The following DHRS2 variants were observed in gnomAD, a reference collection of about 807,000 sequenced individuals.
DHRS2 encodes the protein dehydrogenase/reductase SDR family member 2, mitochondrial.
A neutral mutation model predicts 26.3 loss-of-function variants in DHRS2; 29 were observed. That is an observed-to-expected ratio of 1.10 (90% confidence interval 0.82 to 1.50). The LOEUF (loss-of-function observed/expected upper bound fraction) is 1.50. DHRS2 is among the 40% of genes most tolerant of loss of function. The pLI is 0.00. For missense variants in DHRS2, 439 were observed against 367.1 expected (o/e 1.20, Z -1.60); for synonymous variants, 164 against 151.3 (o/e 1.08, Z -0.62).
intron 4 of DHRS2, chr14:23,642,888 T>A (rs1277141756): frequency 2.8e-6 from 1 of 355,302 alleles, no homozygotes; most frequent in East Asian, 5.9e-5. Flanking sequence ...TTAAAAGGCC[T>A]GAACATTTCC....
chr14:23,639,211 G>A lies in DHRS2; in HGVS notation c.173G>A (p.Arg58Gln), dbSNP rs779338474. The A allele has an allele frequency of 5.7e-5, 92 of 1,613,750 alleles. 3 individuals are homozygous for A. The South Asian group carries it at 7.1e-4, about 13-fold the overall frequency. The stretch of plus-strand genomic sequence containing the variant: ...TTTGCCATCGCCCGACGTCTGGCCC[G>A]GGACGGGGCCCACGTGGTCATCAGC... ...IGFAIARRLARDGAHVVISSR... is the reference protein window; with the variant it reads ...IGFAIARRLAQDGAHVVISSR... Residue 58 changes from arginine to glutamine, a missense_variant, in exon 3 of 9, where the codon CGG (arginine) becomes CAG (glutamine). Physicochemically the swap from Arg to Gln is conservative, Grantham distance 43. Transcript: ENST00000250383.
chr14:23,639,523 G>A (rs1412890542), intron 3 of DHRS2, among the ~76,000 whole-genome samples, 167 bp downstream of exon 3: 1 of 152,060 alleles, frequency 6.6e-6, no homozygotes, highest in Non-Finnish European at 1.5e-5. Context: ...AAAGTGACCT[G>A]TTCGTGAGAG....
chr14:23,642,205 A>G, intron 4 of DHRS2: 6 of 1,007,060 alleles, frequency 6.0e-6, no homozygotes, highest in Non-Finnish European at 7.1e-6. Flanking sequence ...CAAGTCTGCG[A>G]TAAGCTGGTG....
chr14:23,634,138 G>A (rs1890200923), upstream of DHRS2, among the ~76,000 whole-genome samples: 1 of 129,406 alleles, frequency 7.7e-6, no homozygotes, highest in Non-Finnish European at 1.5e-5. Flanking sequence ...TGCAATCTTG[G>A]CTCACTGCAA....
At chr14:23,635,670 C>T (rs1408500564), upstream of DHRS2, among the ~76,000 whole-genome samples, 6 of 152,274 alleles carry the variant, frequency 3.9e-5, no homozygotes, top group Non-Finnish European at 7.3e-5. Context: ...ACTCTTGGTG[C>T]CTCCTCGTCC....
rs1408754535 is a variant in DHRS2, at chr14:23,645,180, TC to T, written c.772del (p.Leu258CysfsTer40). 7 of 1,613,980 alleles carry T rather than the reference TC, an allele frequency of 4.3e-6. No homozygotes were observed. In the African/African-American group the frequency reaches 9.3e-5, roughly 22 times the overall value. On this transcript the variant is annotated frameshift_variant, in exon 9 of 9. Transcript: ENST00000250383. LOFTEE classifies it high-confidence loss of function. ...GAGGACTGTGCAGGAATCGTGTCCT[TC>T]CTGTGCTCTCCAGATGCCAGCTACG... ...ESEDCAGIVSFLCSPDASYVN... is the reference protein window; with the variant it reads ...ESEDCAGIVSXLCSPDASYVN...
Position 23,645,418 on chromosome 14 carries a change from C to A in DHRS2, c.*165C>A. On this transcript the variant is annotated 3_prime_UTR_variant, in exon 9 of 9. Transcript: ENST00000250383. ...GGAAGAAGAAAAACGCTTCGGCATT[C>A]TCCTTAGGACTTATCTGCTTGTAGA... 7.2e-7 allele frequency: 1 copy of A among 1,391,666 alleles called. No individual in the cohort carries two copies. Among genetic ancestry groups the A allele is most frequent in the East Asian group, 2.3e-5 (1 of 43,178 alleles). The allele number at this position is 1,391,666 out of a possible 1,614,324, so 86.2% of individuals were successfully genotyped here. A position where few individuals can be genotyped will look rare whatever the true frequency, so the allele number is the denominator to read the frequency against.
Position 23,639,066 on chromosome 14 carries a change from A to G in DHRS2, c.140+62A>G, listed in dbSNP as rs535835871. ...CAGGGTCCTTGTGGCTTCCACAAGG[A>G]CTCAGGGTTTTAAAGCAAGACCCAG... On this transcript the variant is annotated intron_variant, in intron 2 of 8. Transcript: ENST00000250383. The G allele has an allele frequency of 7.0e-5, 111 of 1,597,002 alleles. 1 individual carries two copies. In the Admixed American group the frequency reaches 1.9e-3, roughly 27 times the overall value.
chr14:23,637,859 A>C (rs140137766), intron 1 of DHRS2, among the ~76,000 whole-genome samples: 1 of 152,146 alleles, frequency 6.6e-6, no homozygotes, highest in African/African-American at 2.4e-5. Flanking sequence ...TCAGCTCTCT[A>C]TAAAACAGAC....
intron 4 of DHRS2, 114 bp downstream of exon 4, chr14:23,640,009 C>T: frequency 4.0e-6 from 4 of 989,558 alleles, no homozygotes; most frequent in Non-Finnish European, 5.4e-6. Flanking sequence ...ATGGGAGAAG[C>T]AGGCCCTGGG....
chr14:23,643,972 T>G (rs940398320), intron 5 of DHRS2, 139 bp from the exon 6 acceptor site: 12 of 858,792 alleles, frequency 1.4e-5, no homozygotes, highest in Non-Finnish European at 2.2e-5. Flanking sequence ...GAGCCTCAGT[T>G]TTCTGAACTC....
intron 5 of DHRS2, chr14:23,643,424 GC>G: frequency 1.8e-6 from 1 of 570,916 alleles, no homozygotes; most frequent in Non-Finnish European, 3.1e-6. Flanking sequence ...TATTCCAGGG[GC>G]CCAGGCATAG....
chr14:23,634,059 CTT>C (rs58045171), upstream of DHRS2, among the ~76,000 whole-genome samples: 264 of 82,452 alleles, frequency 3.2e-3, no homozygotes, highest in African/African-American at 0.012. Context: ...TTTGCCCCTT[CTT>C]TTTTTTTTTT....
chr14:23,637,286 T>G (rs560028174), intron 1 of DHRS2, among the ~76,000 whole-genome samples: 1 of 152,192 alleles, frequency 6.6e-6, no homozygotes, highest in East Asian at 1.9e-4. Context: ...TAGTAAAAAT[T>G]TCAGGACTCT....
At position 23,638,862 on chromosome 14, in the gene DHRS2, A is replaced by C. The variant is rs377066697; in HGVS notation, c.-3A>C. 38 of 1,613,358 alleles carry C rather than the reference A, an allele frequency of 2.4e-5. No homozygotes were observed. The highest frequency in any genetic ancestry group is 3.1e-5 in the Non-Finnish European group (37 of 1,179,686). ...GCAGGAAGCATCTCAGACACCAACC[A>C]CTATGCTGTCAGCAGTTGCCCGGGG... On this transcript the variant is annotated 5_prime_UTR_variant, in exon 2 of 9. Transcript: ENST00000250383.
In DHRS2 at chr14:23,638,935, G is replaced by A. The variant is rs777237355; in HGVS notation, c.71G>A (p.Ser24Asn). 1 of 1,614,184 alleles carries A rather than the reference G, an allele frequency of 6.2e-7. No individual in the cohort carries two copies. The highest frequency in any genetic ancestry group is 8.5e-7 in the Non-Finnish European group (1 of 1,180,046). The change falls in exon 2 of 9, where the codon AGC becomes AAC. Residue 24 changes from serine (S) to asparagine (N), a missense_variant. Physicochemically the swap from Ser to Asn is conservative, Grantham distance 46. Coordinates refer to ENST00000250383, the MANE Select transcript of DHRS2 (RefSeq NM_005794.4). ...TGTGCTAGGCTTTCTGTGAGGATGAGCAGCACCGGGATAGACAGGAAGGGC... is the reference window on the plus strand; with the variant it reads ...TGTGCTAGGCTTTCTGTGAGGATGAACAGCACCGGGATAGACAGGAAGGGC... ...HPCARLSVRM[S>N]STGIDRKGVL... is the part of the protein sequence containing the mutation.
intron 7 of DHRS2, 111 bp downstream of exon 7, chr14:23,644,654 A>T: frequency 6.5e-7 from 1 of 1,546,326 alleles, no homozygotes. Context: ...CCTATGACTG[A>T]GGTCCTCATT....
chr14:23,642,042 A>C (rs1161984852), intron 4 of DHRS2: 1 of 1,095,348 alleles, frequency 9.1e-7, no homozygotes, highest in East Asian at 7.6e-5. Context: ...TCCCAGACCC[A>C]CCAGACAGAG....
At chr14:23,630,454 A>G (rs1188806846) in intron 1 of DHRS2, among the ~76,000 whole-genome samples, 1 of 152,254 alleles carries the variant, frequency 6.6e-6, no homozygotes, top group Non-Finnish European at 1.5e-5. Context: ...GGGGCTATCA[A>G]AGTCCTTTGG....
Sources: allele counts gnomAD v4.1 joint callset (sites outside exome capture counted in the v4.1 genomes callset), GRCh38; gene constraint gnomAD v4.1.1; transcripts MANE v1.5; gene names NCBI Gene and HGNC (gene_info 2026-07-23, HGNC 2026-07-21).